Variants in STX11 observed in about 807,000 individuals in gnomAD.
The protein encoded by STX11 is syntaxin-11.
Under a neutral mutation model 19.9 loss-of-function variants are expected in STX11, and 21 were observed. The observed-to-expected ratio is 1.06, with a 90% CI of 0.75 to 1.52. The LOEUF is 1.52. STX11 is among the 40% of genes most tolerant of loss of function. The pLI is 0.00. For missense variants in STX11, 438 were observed against 405.9 expected (o/e 1.08, Z -0.68); for synonymous variants, 193 against 174.4 (o/e 1.11, Z -0.84).
In STX11 at chr6:144,187,852, A is replaced by C. The variant is rs567673615; in HGVS notation, c.*361A>C. The C allele has an allele frequency of 2.5e-6, 1 of 396,066 alleles. No homozygotes were observed. The highest frequency in any genetic ancestry group is 4.4e-5 in the East Asian group (1 of 22,516). 24.5% of individuals were successfully genotyped at this position (396,066 alleles called of 1,614,324 possible). On this transcript the variant is annotated 3_prime_UTR_variant, in exon 2 of 2. Coordinates refer to ENST00000367568, the MANE Select transcript of STX11 (RefSeq NM_003764.4). The surrounding 1 kb of genome is among the most constrained non-coding windows in gnomAD (Gnocchi z 5.6). ...TAATAAAGACTCAAGGAGGAAGTCA[A>C]TTGGGCATCTGCTAATAGAATGAAC... is the stretch of plus-strand genomic sequence containing the variant.
At chr6:144,145,206 TACTC>T in the STX11 span, among the ~76,000 whole-genome samples, 14 of 152,336 alleles carry the variant, frequency 9.2e-5, no homozygotes, top group Middle Eastern at 0.014. Context: ...AATGAGTTAT[TACTC>T]AGCCTTAAAA....
chr6:144,178,443 A>T (rs1436074332), intron 1 of STX11, among the ~76,000 whole-genome samples: 2 of 152,250 alleles, frequency 1.3e-5, no homozygotes, highest in African/African-American at 2.4e-5. Context: ...TACAGAAAGC[A>T]TCTGAAAGCA....
rs550726096 is a variant in STX11, at chr6:144,163,454, A to C, written c.-6+12751A>C. On this transcript the variant is annotated intron_variant, in intron 1 of 1. Transcript: ENST00000367568. ...CCATGGTGAGACACCATCTCTACAA[A>C]ATTTTTTATTTTTAAAATTTTTTTT... Among the ~76,000 whole-genome samples the C allele has an allele frequency of 4.6e-5, 7 of 151,950 alleles. No homozygotes were observed. In the East Asian group the frequency reaches 1.4e-3, roughly 29 times the overall value.
chr6:144,181,698 C>T (rs191480066), intron 1 of STX11, among the ~76,000 whole-genome samples: 102 of 151,658 alleles, frequency 6.7e-4, no homozygotes, highest in Non-Finnish European at 1.1e-3. Context: ...CTAGGCCTAC[C>T]GAATCAGAAA....
At chr6:144,150,185 AAT>A (rs1346143512), upstream of STX11, among the ~76,000 whole-genome samples, 1 of 152,224 alleles carries the variant, frequency 6.6e-6, no homozygotes, top group Non-Finnish European at 1.5e-5. Flanking sequence ...CCGGACTGCA[AAT>A]GTCACCAGCG....
At chr6:144,173,653 C>T (rs1039866550) in intron 1 of STX11, among the ~76,000 whole-genome samples, 3 of 152,198 alleles carry the variant, frequency 2.0e-5, no homozygotes, top group Non-Finnish European at 4.4e-5. Flanking sequence ...GTCTGGAGAT[C>T]TTTGCAGCGA....
chr6:144,166,829 C>T lies in STX11; in HGVS notation c.-6+16126C>T, dbSNP rs1006890742. 1.4e-4 allele frequency among the ~76,000 whole-genome samples: 21 copies of T among 149,090 alleles called. No individual in the cohort carries two copies. The East Asian group carries it at 4.2e-3, about 30-fold the overall frequency. ...CCATGAGCCACAGTGCCTGGCCCCA[C>T]CTTCCCCCTTTCCCCCTTCCCTTCC... On this transcript the variant is annotated intron_variant, in intron 1 of 1. Transcript: ENST00000367568.
In STX11 at chr6:144,151,360, C is replaced by T; in HGVS notation, c.-6+657C>T. On this transcript the variant is annotated intron_variant, in intron 1 of 1. Transcript: ENST00000367568. This position sits in a 1 kb window ranked among gnomAD's most constrained non-coding sequence, Gnocchi z 4.6. ...TATTACTTCCTGTGGTTCTCACGCA[C>T]TTGTTTCAGCCGTTTCTCAGCAGAG... 2.0e-6 allele frequency: 2 copies of T among 985,440 alleles called. No individual in the cohort carries two copies. The highest frequency in any genetic ancestry group is 2.4e-6 in the Non-Finnish European group (2 of 829,932). 61.0% of individuals were successfully genotyped at this position (985,440 alleles called of 1,614,324 possible).
chr6:144,160,848 A>G lies in STX11; in HGVS notation c.-6+10145A>G, dbSNP rs75557815. 0.025 allele frequency among the ~76,000 whole-genome samples: 3,770 copies of G among 149,430 alleles called. 77 individuals are homozygous for G. Among genetic ancestry groups the G allele is most frequent in the Non-Finnish European group, 0.034 (2,330 of 67,976 alleles). ...CAGGCTTGAAGTATGACTTCAAGTG[A>G]ATGGATGTGTGAGGTCCTGTGATGA... On this transcript the variant is annotated intron_variant, in intron 1 of 1. Coordinates refer to ENST00000367568, the MANE Select transcript of STX11 (RefSeq NM_003764.4). The surrounding 1 kb of genome is among the most constrained non-coding windows in gnomAD (Gnocchi z 4.3).
At position 144,154,348 on chromosome 6, in the gene STX11, C is replaced by T. The variant is rs55902201; in HGVS notation, c.-6+3645C>T. On this transcript the variant is annotated intron_variant, in intron 1 of 1. Transcript: ENST00000367568. This position sits in a 1 kb window ranked among gnomAD's most constrained non-coding sequence, Gnocchi z 4.7. Reference sequence around the variant, plus strand: ...ACTGTGCTACATGACATCCCACCCCCTACCTTCACTCCAAGAAATACCTGA... The same window carrying T: ...ACTGTGCTACATGACATCCCACCCCTTACCTTCACTCCAAGAAATACCTGA... Among the ~76,000 whole-genome samples the T allele has an allele frequency of 0.03, 4,510 of 152,256 alleles. 93 individuals carry two copies. The highest frequency in any genetic ancestry group is 0.049 in the Non-Finnish European group (3,337 of 67,998).
chr6:144,161,791 A>G (rs1056490279), intron 1 of STX11, among the ~76,000 whole-genome samples: 3 of 152,226 alleles, frequency 2.0e-5, no homozygotes, highest in African/African-American at 7.2e-5. Context: ...AACACAATAC[A>G]TATTTTCATT....
At chr6:144,156,891 C>T (rs925191676) in intron 1 of STX11, among the ~76,000 whole-genome samples, 1 of 152,192 alleles carries the variant, frequency 6.6e-6, no homozygotes, top group African/African-American at 2.4e-5. Flanking sequence ...TGTTAATTCT[C>T]ATAACAGCCA....
At chr6:144,140,254 A>T in the STX11 span, among the ~76,000 whole-genome samples, 247 of 38,828 alleles carry the variant, frequency 6.4e-3, 1 homozygote, top group African/African-American at 0.032. Context: ...ATATATATAT[A>T]TTTATTTATT....
Position 144,183,887 on chromosome 6 carries a change from G to A in STX11, c.-5-2736G>A, listed in dbSNP as rs370168573. On this transcript the variant is annotated intron_variant, in intron 1 of 1. Coordinates refer to ENST00000367568, the MANE Select transcript of STX11 (RefSeq NM_003764.4). The surrounding 1 kb of genome is among the most constrained non-coding windows in gnomAD (Gnocchi z 4.6). ...TTTCCCTAATGCTCTCCCCTCCCCC[G>A]CACTTCCCCGACAGGCCCCACTGTG... is the stretch of plus-strand genomic sequence containing the variant. Among the ~76,000 whole-genome samples the A allele has an allele frequency of 1.1e-4, 16 of 151,648 alleles. No individual in the cohort carries two copies. The highest frequency in any genetic ancestry group is 1.3e-4 in the Admixed American group (2 of 15,210).
Position 144,187,393 on chromosome 6 carries a change from A to ACCGG in STX11, c.769_772dup (p.Gln258ArgfsTer98). Reference sequence around the variant, plus strand: ...CAACGTACAAAAGACGGTCGACTACACCGGCCAGGCCAAGGCGCAGGTGCG... The same window carrying ACCGG: ...CAACGTACAAAAGACGGTCGACTACACCGGCCGGCCAGGCCAAGGCGCAGGTGCG... On this transcript the variant is annotated frameshift_variant, in exon 2 of 2. Coordinates refer to ENST00000367568, the MANE Select transcript of STX11 (RefSeq NM_003764.4). LOFTEE classifies it high-confidence loss of function. The surrounding 1 kb of genome is among the most constrained non-coding windows in gnomAD (Gnocchi z 5.6). 1 of 1,611,064 alleles carries ACCGG rather than the reference A, an allele frequency of 6.2e-7. No individual in the cohort carries two copies. The highest frequency in any genetic ancestry group is 8.5e-7 in the Non-Finnish European group (1 of 1,179,976).
At position 144,180,810 on chromosome 6, in the gene STX11, T is replaced by C. The variant is rs2128754494; in HGVS notation, c.-5-5813T>C. Among the ~76,000 whole-genome samples the C allele has an allele frequency of 6.6e-6, 1 of 152,356 alleles. No homozygotes were observed. The highest frequency in any genetic ancestry group is 6.5e-5 in the Admixed American group (1 of 15,304). On this transcript the variant is annotated intron_variant, in intron 1 of 1. Coordinates refer to ENST00000367568, the MANE Select transcript of STX11 (RefSeq NM_003764.4). The surrounding 1 kb of genome is among the most constrained non-coding windows in gnomAD (Gnocchi z 5.3). ...TATGACAGAAAATTTTAAGATTCTA[T>C]GTGCCAAATATAGTAGGCTATTCAA...
Position 144,155,085 on chromosome 6 carries a change from C to T in STX11, c.-6+4382C>T, listed in dbSNP as rs1384016044. Among the ~76,000 whole-genome samples, 1 of 152,208 alleles carries T rather than the reference C, an allele frequency of 6.6e-6. No individual in the cohort carries two copies. Among genetic ancestry groups the T allele is most frequent in the Non-Finnish European group, 1.5e-5 (1 of 68,042 alleles). ...TGATCTAGGAAGAAACTGGAATAATCAGACCTTTTCTCCTGGGAATTTACA... is the reference window on the plus strand; with the variant it reads ...TGATCTAGGAAGAAACTGGAATAATTAGACCTTTTCTCCTGGGAATTTACA... On this transcript the variant is annotated intron_variant, in intron 1 of 1. Coordinates refer to ENST00000367568, the MANE Select transcript of STX11 (RefSeq NM_003764.4). The surrounding 1 kb of genome is among the most constrained non-coding windows in gnomAD (Gnocchi z 4.5).
the STX11 span, chr6:144,140,863 A>G: frequency 1.1e-6 from 1 of 869,752 alleles, no homozygotes; most frequent in Non-Finnish European, 1.4e-6. Flanking sequence ...ACACAAATTC[A>G]TCTAAATGAA....
At position 144,174,839 on chromosome 6, in the gene STX11, A is replaced by G. The variant is rs1460293084; in HGVS notation, c.-5-11784A>G. Among the ~76,000 whole-genome samples the G allele has an allele frequency of 6.6e-6, 1 of 152,284 alleles. No homozygotes were observed. Among genetic ancestry groups the G allele is most frequent in the East Asian group, 1.9e-4 (1 of 5,182 alleles). ...GGTTCTGATACTATCTGGTACTACA[A>G]TACTAACATTAGGCCAGGCACAGTG... On this transcript the variant is annotated intron_variant, in intron 1 of 1. Coordinates refer to ENST00000367568, the MANE Select transcript of STX11 (RefSeq NM_003764.4). The surrounding 1 kb of genome is among the most constrained non-coding windows in gnomAD (Gnocchi z 5.3).
Sources: allele counts gnomAD v4.1 joint callset (sites outside exome capture counted in the v4.1 genomes callset), GRCh38; gene constraint gnomAD v4.1.1; non-coding constraint Gnocchi (gnomAD v3.1); transcripts MANE v1.5; gene names NCBI Gene and HGNC (gene_info 2026-07-23, HGNC 2026-07-21).